SS18: variants seen among roughly 807,000 people sequenced by gnomAD.
The protein encoded by SS18 is SS18 subunit of BAF chromatin remodeling complex, also known as protein SSXT.
A neutral mutation model predicts 72.5 loss-of-function variants in SS18; 28 were observed. The observed-to-expected ratio is 0.39, with a 90% CI of 0.29 to 0.53. SS18 has a LOEUF of 0.53. Ranked by LOEUF, SS18 falls within the 20% of genes least tolerant of loss-of-function variation. The pLI is 0.76. For missense variants in SS18, 518 were observed against 535.3 expected, an observed-to-expected ratio of 0.97 and a Z score of 0.32; for synonymous variants, 172 against 164.2, an observed-to-expected ratio of 1.05 and a Z score of -0.37.
intron 2 of SS18, chr18:26,084,319 TAAGTAA>T (rs1004825966): frequency 6.6e-5 from 10 of 152,262 alleles, no homozygotes; most frequent in African/African-American, 1.7e-4. Flanking sequence ...CAGTAGGACT[TAAGTAA>T]AAGTAAAAGG....
At chr18:26,077,984 T>A in intron 3 of SS18, 92 bp downstream of exon 3, 3 of 869,540 alleles carry the variant, frequency 3.5e-6, no homozygotes, top group Non-Finnish European at 5.4e-6. Flanking sequence ...CAGGATTTAC[T>A]AAACAAAACT....
At position 26,038,628 on chromosome 18, in the gene SS18, G is replaced by A; in HGVS notation, c.807C>T (p.Asp269=). The change falls in exon 7 of 11, where the codon GAC becomes GAT. Residue 269 remains aspartate (D), a synonymous_variant. Coordinates refer to ENST00000415083, the MANE Select transcript of SS18 (RefSeq NM_001007559.3). ...CATGACTGTATTGGTCCCCGTAATAGTCTTCCTGGCCTGAGTACTGCTGTG... is the reference window on the plus strand; with the variant it reads ...CATGACTGTATTGGTCCCCGTAATAATCTTCCTGGCCTGAGTACTGCTGTG... ...GPPQQYSGQE[D]YYGDQYSHGG... 1 of 1,613,506 alleles carries A rather than the reference G, an allele frequency of 6.2e-7. No homozygotes were observed. The highest frequency in any genetic ancestry group is 2.2e-5 in the East Asian group (1 of 44,828).
intron 2 of SS18, among the ~76,000 whole-genome samples, chr18:26,079,915 C>G (rs1469244110): frequency 6.6e-6 from 1 of 151,896 alleles, no homozygotes; most frequent in Non-Finnish European, 1.5e-5. Context: ...TTATTTTTCT[C>G]CTGTTACAAA....
intron 3 of SS18, among the ~76,000 whole-genome samples, chr18:26,066,383 C>T (rs989443410): frequency 1.1e-4 from 17 of 152,208 alleles, no homozygotes; most frequent in African/African-American, 4.1e-4. Flanking sequence ...ACTCCACCTT[C>T]ACATCTCCAT....
At chr18:26,023,570 GA>G in intron 10 of SS18, 1 of 509,822 alleles carries the variant, frequency 2.0e-6, no homozygotes, top group South Asian at 1.7e-5. Flanking sequence ...ATGTAAGGAA[GA>G]AAAGAGTGGA....
chr18:26,032,437 G>A lies in SS18; in HGVS notation c.1192C>T (p.Pro398Ser), dbSNP rs2053559472. The A allele has an allele frequency of 2.5e-6, 4 of 1,613,732 alleles. No individual in the cohort carries two copies. Among genetic ancestry groups the A allele is most frequent in the African/African-American group, 2.7e-5 (2 of 74,850 alleles). The change falls in exon 10 of 11, where the codon CCA becomes TCA. Residue 398 changes from proline (P) to serine (S), a missense_variant. Physicochemically the swap from Pro to Ser is moderately conservative, Grantham distance 74 (BLOSUM62 -1). Coordinates refer to ENST00000415083, the MANE Select transcript of SS18 (RefSeq NM_001007559.3). ...TAAGGCCTCTGCTGGGGTGGCTGTG[G>A]TGGTCCAGGCTGTGTTGGTCTATAT... Reference protein sequence around the residue: ...GGYRPTQPGPPQPPQQRPYGY... With the variant: ...GGYRPTQPGPSQPPQQRPYGY...
At chr18:26,039,072 A>G (rs569467556) in intron 6 of SS18, among the ~76,000 whole-genome samples, 44 of 151,864 alleles carry the variant, frequency 2.9e-4, no homozygotes, top group African/African-American at 1.0e-3. Flanking sequence ...CTTTCGATAT[A>G]AAATTGTATG....
intron 10 of SS18, among the ~76,000 whole-genome samples, chr18:26,025,119 A>G (rs978627191): frequency 2.6e-5 from 4 of 152,174 alleles, no homozygotes; most frequent in Non-Finnish European, 5.9e-5. Context: ...AAATCTCCAA[A>G]TATTTGAAAA....
chr18:26,075,355 C>A (rs933449924), intron 3 of SS18, among the ~76,000 whole-genome samples: 3 of 151,838 alleles, frequency 2.0e-5, no homozygotes, highest in Admixed American at 2.0e-4. Context: ...ATCGCAATTT[C>A]TTTAAAAACA....
Position 26,036,020 on chromosome 18 carries a change from A to G in SS18, c.881-97T>C, listed in dbSNP as rs1031068799. ...CTTTCAGATAAAATTGAAAAAAAAG[A>G]AAAAGAAATGGAACATAAAAAATAA... is the stretch of plus-strand genomic sequence containing the variant. On this transcript the variant is annotated intron_variant, in intron 7 of 10. Coordinates refer to ENST00000415083, the MANE Select transcript of SS18 (RefSeq NM_001007559.3). The G allele has an allele frequency of 1.0e-5, 8 of 791,646 alleles. No individual in the cohort carries two copies. In the East Asian group the frequency reaches 1.9e-4, roughly 19 times the overall value. 49.0% of individuals were successfully genotyped at this position (791,646 alleles called of 1,614,324 possible).
At chr18:26,080,398 C>T (rs1462720098) in intron 2 of SS18, 51 of 985,182 alleles carry the variant, frequency 5.2e-5, no homozygotes, top group Non-Finnish European at 6.0e-5. Context: ...CCAAACCATA[C>T]TAACAGATGT....
At position 26,047,280 on chromosome 18, in the gene SS18, A is replaced by G. The variant is rs558693534; in HGVS notation, c.607+5344T>C. On this transcript the variant is annotated intron_variant, in intron 5 of 10. Coordinates refer to ENST00000415083, the MANE Select transcript of SS18 (RefSeq NM_001007559.3). ...ATGCCAAAAAAAAAAAAAAAAAAAA[A>G]AAGAAGAAGAAGAAAAGCTCCATGG... Among the ~76,000 whole-genome samples the G allele has an allele frequency of 5.3e-3, 779 of 147,962 alleles. 10 individuals are homozygous for G. Among genetic ancestry groups the G allele is most frequent in the East Asian group, 9.5e-3 (49 of 5,132 alleles).
chr18:26,042,021 T>A (rs1229786756), intron 5 of SS18, among the ~76,000 whole-genome samples: 1 of 152,130 alleles, frequency 6.6e-6, no homozygotes, highest in East Asian at 1.9e-4. Flanking sequence ...ATACATTTCA[T>A]AATTTTCCTC....
At chr18:26,050,546 A>G (rs1235663119) in intron 5 of SS18, among the ~76,000 whole-genome samples, 1 of 152,142 alleles carries the variant, frequency 6.6e-6, no homozygotes, top group Non-Finnish European at 1.5e-5. Flanking sequence ...GGTAACATAT[A>G]ATTAAAATGC....
intron 10 of SS18, among the ~76,000 whole-genome samples, chr18:26,027,721 ACT>A (rs758111203): frequency 1.9e-4 from 28 of 147,794 alleles, no homozygotes; most frequent in South Asian, 8.5e-4. Context: ...TCAACAAATG[ACT>A]CTGAGAAAAT....
intron 2 of SS18, 141 bp downstream of exon 2, chr18:26,087,360 C>T: frequency 1.7e-6 from 1 of 572,352 alleles, no homozygotes; most frequent in Non-Finnish European, 3.1e-6. Flanking sequence ...TATGAATATA[C>T]TAAAAAACAT....
At position 26,017,478 on chromosome 18, in the gene SS18, G is replaced by C. The variant is rs2053268677; in HGVS notation, c.*876C>G. The C allele has an allele frequency of 5.1e-6, 1 of 194,238 alleles. No individual in the cohort carries two copies. The highest frequency in any genetic ancestry group is 1.1e-5 in the Non-Finnish European group (1 of 92,958). The allele number at this position is 194,238 out of a possible 1,614,324, so 12.0% of individuals were successfully genotyped here. ...CTAAGTTCCCTGATAACTCAAACAAGGTAAAATTAACACTTTCATTTTCAG... is the reference window on the plus strand; with the variant it reads ...CTAAGTTCCCTGATAACTCAAACAACGTAAAATTAACACTTTCATTTTCAG... On this transcript the variant is annotated 3_prime_UTR_variant, in exon 11 of 11. Transcript: ENST00000415083.
At chr18:26,065,334 T>C (rs575279949) in intron 3 of SS18, among the ~76,000 whole-genome samples, 18 of 152,118 alleles carry the variant, frequency 1.2e-4, no homozygotes, top group Non-Finnish European at 8.8e-5. Context: ...AAATAAGACA[T>C]AATTAATACA....
At chr18:26,025,807 T>A (rs963040899) in intron 10 of SS18, among the ~76,000 whole-genome samples, 1 of 151,446 alleles carries the variant, frequency 6.6e-6, no homozygotes, top group African/African-American at 2.4e-5. Context: ...TCTTCCCAAC[T>A]CACTCTATGA....
Sources: gnomAD v4.1 joint callset for allele counts (sites outside exome capture counted in the v4.1 genomes callset) on GRCh38, gnomAD v4.1.1 for gene constraint, MANE v1.5 for transcripts, NCBI Gene and HGNC (gene_info 2026-07-23, HGNC 2026-07-21) for gene names.